The following CENPW variants were observed in gnomAD, a reference collection of about 807,000 sequenced individuals.
The protein encoded by CENPW is centromere protein W, also known as cancer-up-regulated gene 2 protein.
In CENPW, 3 loss-of-function variants were observed where a neutral mutation model predicts 11.1. The ratio of observed to expected loss-of-function variants is 0.27; its 90% CI spans 0.12 to 0.70. The LOEUF is 0.70. Ranked by LOEUF, CENPW falls within the 30% of genes least tolerant of loss-of-function variation. CENPW has a pLI of 0.77. For synonymous variants in CENPW, 38 were observed against 42.0 expected, an observed-to-expected ratio of 0.91 and a Z score of 0.37; for missense variants, 100 against 105.6, an observed-to-expected ratio of 0.95 and a Z score of 0.23.
chr6:126,409,278 A>C, the CENPW span, among the ~76,000 whole-genome samples: 3 of 152,164 alleles, frequency 2.0e-5, no homozygotes, highest in African/African-American at 7.2e-5. Flanking sequence ...TCACTGATAC[A>C]AGAAAAGATA....
chr6:126,427,385 T>G, the CENPW span, among the ~76,000 whole-genome samples: 1 of 152,232 alleles, frequency 6.6e-6, no homozygotes, highest in Non-Finnish European at 1.5e-5. Context: ...AGTGGGAATT[T>G]GTGCTAAAAC....
chr6:126,435,975 G>A, the CENPW span, among the ~76,000 whole-genome samples: 1 of 151,760 alleles, frequency 6.6e-6, no homozygotes, highest in African/African-American at 2.4e-5. Context: ...TTCATTAAAA[G>A]CTTGGCTTAT....
At chr6:126,440,233 G>A in the CENPW span, among the ~76,000 whole-genome samples, 11 of 151,638 alleles carry the variant, frequency 7.3e-5, no homozygotes, top group African/African-American at 2.7e-4. Context: ...TGTTTCCTAA[G>A]CTCTAAACGT....
At chr6:126,396,757 A>C in the CENPW span, among the ~76,000 whole-genome samples, 9 of 152,048 alleles carry the variant, frequency 5.9e-5, no homozygotes, top group Admixed American at 3.3e-4. Context: ...AGGGCTCTTC[A>C]GTTAGCAGAT....
intron 1 of CENPW, among the ~76,000 whole-genome samples, chr6:126,342,101 C>G (rs1209776614): frequency 2.0e-5 from 3 of 152,150 alleles, no homozygotes; most frequent in African/African-American, 7.2e-5. Context: ...TTCTGCTCAC[C>G]TTTGACACTT....
chr6:126,343,860 C>A lies in CENPW; in HGVS notation c.127-2345C>A, dbSNP rs138795870. On this transcript the variant is annotated intron_variant, in intron 1 of 2. Coordinates refer to ENST00000368328, the MANE Select transcript of CENPW (RefSeq NM_001012507.4). ...CAATATTATTTTCCTTTGGCAGCAC[C>A]ACCTACACACACACCCAGGAACAAT... Among the ~76,000 whole-genome samples, 1,205 of 152,284 alleles carry A rather than the reference C, an allele frequency of 7.9e-3. 14 individuals carry two copies. The highest frequency in any genetic ancestry group is 0.028 in the African/African-American group (1,152 of 41,568).
At chr6:126,438,835 A>G in the CENPW span, among the ~76,000 whole-genome samples, 1 of 151,768 alleles carries the variant, frequency 6.6e-6, no homozygotes, top group East Asian at 1.9e-4. Context: ...GCACACTGAT[A>G]CACTTTTAAT....
At chr6:126,412,516 G>A in the CENPW span, among the ~76,000 whole-genome samples, 1 of 152,028 alleles carries the variant, frequency 6.6e-6, no homozygotes, top group African/African-American at 2.4e-5. Flanking sequence ...ACTATGATGT[G>A]CTTGGGTATG....
the CENPW span, among the ~76,000 whole-genome samples, chr6:126,366,841 T>A: frequency 2.0e-5 from 3 of 152,154 alleles, no homozygotes; most frequent in Non-Finnish European, 4.4e-5. Flanking sequence ...TTGAGGGACC[T>A]GCATCTAGGG....
chr6:126,389,601 A>G, the CENPW span, among the ~76,000 whole-genome samples: 6 of 151,552 alleles, frequency 4.0e-5, no homozygotes, highest in African/African-American at 1.5e-4. Context: ...TTACTTTTTG[A>G]GTTCCATAAT....
chr6:126,403,033 G>T, the CENPW span, among the ~76,000 whole-genome samples: 1 of 151,852 alleles, frequency 6.6e-6, no homozygotes, highest in Non-Finnish European at 1.5e-5. Flanking sequence ...TGTCTTTTAT[G>T]GTGATCTGTA....
At chr6:126,354,714 C>T in the CENPW span, among the ~76,000 whole-genome samples, 36 of 152,104 alleles carry the variant, frequency 2.4e-4, no homozygotes, top group African/African-American at 7.7e-4. Context: ...CTTTAAGAGT[C>T]TCCTTTTTGG....
At chr6:126,409,228 T>C in the CENPW span, among the ~76,000 whole-genome samples, 90 of 152,304 alleles carry the variant, frequency 5.9e-4, no homozygotes, top group African/African-American at 2.0e-3. Context: ...CATATATTTG[T>C]ACCTTTCAAA....
At chr6:126,359,005 C>G in the CENPW span, among the ~76,000 whole-genome samples, 1 of 150,742 alleles carries the variant, frequency 6.6e-6, no homozygotes. Flanking sequence ...CCTAGTTCCT[C>G]TAGGTGCAAA....
At chr6:126,370,273 A>C in the CENPW span, among the ~76,000 whole-genome samples, 1 of 151,836 alleles carries the variant, frequency 6.6e-6, no homozygotes, top group African/African-American at 2.4e-5. Flanking sequence ...GTTTCATATG[A>C]ATTTTAGTAT....
the CENPW span, among the ~76,000 whole-genome samples, chr6:126,441,481 G>T: frequency 6.6e-6 from 1 of 151,336 alleles, no homozygotes; most frequent in Non-Finnish European, 1.5e-5. Flanking sequence ...ATTTCTATAG[G>T]TTTTGGGGGA....
chr6:126,418,419 A>AT, the CENPW span, among the ~76,000 whole-genome samples: 2 of 152,310 alleles, frequency 1.3e-5, no homozygotes, highest in African/African-American at 2.4e-5. Context: ...TCAGCAAAAT[A>AT]TTTTTTATAC....
the CENPW span, among the ~76,000 whole-genome samples, chr6:126,417,401 G>C: frequency 6.6e-6 from 1 of 152,174 alleles, no homozygotes; most frequent in African/African-American, 2.4e-5. Flanking sequence ...TTGGGGGACT[G>C]TTGGGAAGAC....
the CENPW span, among the ~76,000 whole-genome samples, chr6:126,414,926 C>T: frequency 6.6e-6 from 1 of 151,582 alleles, no homozygotes; most frequent in East Asian, 1.9e-4. Context: ...TAATTGATAC[C>T]AGAGAAATAC....
Sources: allele counts gnomAD v4.1 joint callset (sites outside exome capture counted in the v4.1 genomes callset), GRCh38; gene constraint gnomAD v4.1.1; transcripts MANE v1.5; gene names NCBI Gene and HGNC (gene_info 2026-07-23, HGNC 2026-07-21).